The following PLCH2 variants were observed in gnomAD, a reference collection of about 807,000 sequenced individuals.
The protein encoded by PLCH2 is 1-phosphatidylinositol 4,5-bisphosphate phosphodiesterase eta-2.
In PLCH2, 98 loss-of-function variants were observed where a neutral mutation model predicts 134.7. The observed-to-expected ratio is 0.73, with a 90% confidence interval of 0.62 to 0.86. The LOEUF (loss-of-function observed/expected upper bound fraction) is 0.86. Ranked by LOEUF, PLCH2 falls within the 40% of genes least tolerant of loss-of-function variation. The probability of loss-of-function intolerance (pLI) is 0.00; values close to 1 mark genes in which losing one functional copy is unlikely to be tolerated. For synonymous variants in PLCH2, 974 were observed against 827.5 expected, an observed-to-expected ratio of 1.18 and a Z score of -3.04; for missense variants, 1,994 against 1,986.6, an observed-to-expected ratio of 1.00 and a Z score of -0.07.
chr1:2,451,356 G>C (rs1259746726), intron 2 of PLCH2, among the ~76,000 whole-genome samples: 2 of 152,232 alleles, frequency 1.3e-5, no homozygotes, highest in African/African-American at 4.8e-5. Flanking sequence ...GATGCCACTA[G>C]CAGTGACAGG....
At chr1:2,441,106 G>A (rs977709658) in intron 2 of PLCH2, among the ~76,000 whole-genome samples, 3 of 152,164 alleles carry the variant, frequency 2.0e-5, no homozygotes, top group Non-Finnish European at 2.9e-5. Context: ...CATCCTGACT[G>A]CACCTGGCTC....
At position 2,448,464 on chromosome 1, in the gene PLCH2, T is replaced by C. The variant is rs1413011430; in HGVS notation, c.115+17835T>C. On this transcript the variant is annotated intron_variant, in intron 2 of 3. Coordinates refer to the PLCH2 transcript ENST00000609981. The surrounding 1 kb of genome is among the most constrained non-coding windows in gnomAD (Gnocchi z 4.0). ...CTTGCGCCTCGAGTCTCCTTTGTCC[T>C]GTAGGATCTGGGGCCTGCCTGGGTC... 6.6e-6 allele frequency among the ~76,000 whole-genome samples: 1 copy of C among 152,202 alleles called. No individual in the cohort carries two copies. Among genetic ancestry groups the C allele is most frequent in the Admixed American group, 6.5e-5 (1 of 15,282 alleles).
rs148750988 is a variant in PLCH2, at chr1:2,479,045, G to A, written c.271+423G>A. 1,256 of 193,132 alleles carry A rather than the reference G, an allele frequency of 6.5e-3. 9 individuals are homozygous for A. Among genetic ancestry groups the A allele is most frequent in the Non-Finnish European group, 8.9e-3 (825 of 92,992 alleles). 12.0% of individuals were successfully genotyped at this position (193,132 alleles called of 1,614,324 possible). A position where few individuals can be genotyped will look rare whatever the true frequency, so the allele number is the denominator to read the frequency against. On this transcript the variant is annotated intron_variant, in intron 2 of 21. Coordinates refer to ENST00000378486, the MANE Select transcript of PLCH2 (RefSeq NM_014638.4). ...CTGCTGGAGGGAGCAGGGGCCACCC[G>A]AGATGGAGGCTCTGTGCAGGGGGTG...
chr1:2,433,134 G>C (rs1392089640), intron 2 of PLCH2, among the ~76,000 whole-genome samples: 1 of 152,200 alleles, frequency 6.6e-6, no homozygotes, highest in African/African-American at 2.4e-5. Context: ...CCCTAATACT[G>C]AGCCAGCAAA....
At chr1:2,488,191 GAGA>G (rs1395255735) in intron 8 of PLCH2, among the ~76,000 whole-genome samples, 2 of 152,248 alleles carry the variant, frequency 1.3e-5, no homozygotes, top group African/African-American at 4.8e-5. Flanking sequence ...TGAAGGAAGA[GAGA>G]AGAAGCAAGA....
intron 2 of PLCH2, among the ~76,000 whole-genome samples, chr1:2,461,532 G>A (rs1055521157): frequency 4.6e-5 from 7 of 152,120 alleles, no homozygotes; most frequent in Non-Finnish European, 1.5e-5. Flanking sequence ...CCGAAGCTCC[G>A]GTCCCTGTGG....
chr1:2,481,696 T>G (rs1311610629), intron 4 of PLCH2, among the ~76,000 whole-genome samples: 1 of 152,226 alleles, frequency 6.6e-6, no homozygotes. Flanking sequence ...TAGCTGTTGC[T>G]GTCAGGTTAC....
At chr1:2,497,412 C>A in intron 15 of PLCH2, 90 bp from the exon 16 acceptor site, 1 of 844,320 alleles carries the variant, frequency 1.2e-6, no homozygotes. Flanking sequence ...GGCAGCTGTG[C>A]AGGGGAGGCT....
chr1:2,418,264 C>T, the PLCH2 span, among the ~76,000 whole-genome samples: 8 of 152,222 alleles, frequency 5.3e-5, no homozygotes, highest in Admixed American at 1.3e-4. Context: ...GAGCAGCTGC[C>T]GACAGTGACA....
At chr1:2,473,240 G>A (rs1408363433), upstream of PLCH2, among the ~76,000 whole-genome samples, 1 of 152,242 alleles carries the variant, frequency 6.6e-6, no homozygotes, top group East Asian at 1.9e-4. Context: ...AGACAGGGAG[G>A]ACAACCCAAG....
chr1:2,497,776 A>G, intron 16 of PLCH2, 167 bp downstream of exon 16: 5 of 328,302 alleles, frequency 1.5e-5, no homozygotes, highest in Non-Finnish European at 3.0e-5. Flanking sequence ...GATGCTGGGG[A>G]GGTGGGTGGG....
At chr1:2,459,111 G>A (rs960410661) in intron 2 of PLCH2, among the ~76,000 whole-genome samples, 7 of 152,268 alleles carry the variant, frequency 4.6e-5, no homozygotes, top group South Asian at 2.1e-4. Context: ...CTCAGGAGGC[G>A]GCCTTGGTGA....
Position 2,436,535 on chromosome 1 carries a change from TCC to T in PLCH2, c.115+5907_115+5908del, listed in dbSNP as rs1557944060. Among the ~76,000 whole-genome samples the T allele has an allele frequency of 6.9e-3, 414 of 60,082 alleles. 65 individuals carry two copies. Among genetic ancestry groups the T allele is most frequent in the African/African-American group, 0.042 (358 of 8,558 alleles). 39.4% of individuals were successfully genotyped at this position (60,082 alleles called of 152,430 possible). ...CCTTCCTCCCTCCTCCTTTCCTCCT[TCC>T]TCCCTCCTCCCTTCCTCCCTCCACC... On this transcript the variant is annotated intron_variant, in intron 2 of 3. Coordinates refer to the PLCH2 transcript ENST00000609981.
rs188242789 is a variant in PLCH2, at chr1:2,433,938, C to T, written c.115+3309C>T. Among the ~76,000 whole-genome samples, 7 of 152,292 alleles carry T rather than the reference C, an allele frequency of 4.6e-5. No individual in the cohort carries two copies. The East Asian group carries it at 5.8e-4, about 13-fold the overall frequency. ...AACGTTTGAATTTTCCCCTGGAGCCCGGCTTTGAGTGTCTGCCTCATGCTC... is the reference window on the plus strand; with the variant it reads ...AACGTTTGAATTTTCCCCTGGAGCCTGGCTTTGAGTGTCTGCCTCATGCTC... On this transcript the variant is annotated intron_variant, in intron 2 of 3. Transcript: ENST00000609981.
upstream of PLCH2, among the ~76,000 whole-genome samples, chr1:2,473,864 C>T (rs1183086538): frequency 6.6e-6 from 1 of 152,262 alleles, no homozygotes; most frequent in Non-Finnish European, 1.5e-5. Context: ...CCCAGTCTGG[C>T]CTCTGGTGTG....
intron 2 of PLCH2, among the ~76,000 whole-genome samples, chr1:2,436,265 CCTCCTTTCCT>C (rs200964413): frequency 1.0e-5 from 1 of 96,024 alleles, no homozygotes; most frequent in African/African-American, 4.2e-5. Flanking sequence ...CCTCCCTCCT[CCTCCTTTCCT>C]CCTTCCTCCC....
chr1:2,419,472 C>T, the PLCH2 span, among the ~76,000 whole-genome samples: 13 of 152,130 alleles, frequency 8.5e-5, no homozygotes, highest in Non-Finnish European at 1.3e-4. Context: ...GCCCGGGCCT[C>T]GGCCGTTGGT....
In PLCH2 at chr1:2,476,610, C is replaced by T. The variant is rs1570395737; in HGVS notation, c.22C>T (p.Pro8Ser). 1.9e-6 allele frequency: 3 copies of T among 1,585,346 alleles called. No individual in the cohort carries two copies. The highest frequency in any genetic ancestry group is 2.3e-5 in the East Asian group (1 of 43,564). Residue 8 changes from proline (P) to serine (S), a missense_variant, in exon 1 of 22, where the codon CCC becomes TCC. Transcript: ENST00000378486. The stretch of plus-strand genomic sequence containing the variant: ...GGCCATGTCTGGTCCATGGCCCTCC[C>T]CCGACAGCCGGACCAAGGGAACGGT... MSGPWPSPDSRTKGTVAW... is the reference protein window; with the variant it reads MSGPWPSSDSRTKGTVAW...
intron 21 of PLCH2, 113 bp from the exon 22 acceptor site, chr1:2,503,809 C>G (rs1643371858): frequency 1.6e-6 from 1 of 617,686 alleles, no homozygotes; most frequent in East Asian, 2.8e-5. Flanking sequence ...ACCCTCGGCA[C>G]AGGGCACCGG....
Sources: allele counts gnomAD v4.1 joint callset (sites outside exome capture counted in the v4.1 genomes callset), GRCh38; gene constraint gnomAD v4.1.1; non-coding constraint Gnocchi (gnomAD v3.1); transcripts MANE v1.5; gene names NCBI Gene and HGNC (gene_info 2026-07-23, HGNC 2026-07-21).